Variants in LRRFIP1 observed in about 807,000 individuals in gnomAD.
LRRFIP1 encodes leucine-rich repeat flightless-interacting protein 1.
LRRFIP1 carries 62 observed loss-of-function variants against 104.4 expected under a neutral mutation model. The ratio of observed to expected loss-of-function variants is 0.59; its 90% confidence interval spans 0.48 to 0.73. The LOEUF is 0.73. LRRFIP1 is among the 30% of genes least tolerant of loss of function. LRRFIP1 has a pLI of 0.00. For synonymous variants in LRRFIP1, 300 were observed against 299.0 expected, an observed-to-expected ratio of 1.00 and a Z score of -0.03; for missense variants, 796 against 824.5, an observed-to-expected ratio of 0.97 and a Z score of 0.42.
At chr2:237,778,481 AG>A (rs1213946820) in intron 23 of LRRFIP1, among the ~76,000 whole-genome samples, 2 of 152,136 alleles carry the variant, frequency 1.3e-5, no homozygotes, top group African/African-American at 2.4e-5. Context: ...CCTGGCTCCC[AG>A]GTGTGGCCGT....
intron 1 of LRRFIP1, among the ~76,000 whole-genome samples, chr2:237,633,554 G>T (rs1189905753): frequency 6.8e-6 from 1 of 146,464 alleles, no homozygotes; most frequent in Non-Finnish European, 1.5e-5. Flanking sequence ...AGCCCTGCCT[G>T]TCCCCCGTGA....
chr2:237,678,835 T>G (rs2091476892), intron 1 of LRRFIP1, among the ~76,000 whole-genome samples: 1 of 152,186 alleles, frequency 6.6e-6, no homozygotes, highest in African/African-American at 2.4e-5. Context: ...GCTTGCATTA[T>G]ATAGATCAAA....
At chr2:237,656,511 A>G (rs2086837597) in intron 1 of LRRFIP1, among the ~76,000 whole-genome samples, 2 of 152,160 alleles carry the variant, frequency 1.3e-5, no homozygotes, top group Non-Finnish European at 2.9e-5. Context: ...TTTTGTCTCA[A>G]TTTCCAAGCA....
chr2:237,636,375 T>C (rs575310693), intron 1 of LRRFIP1, among the ~76,000 whole-genome samples: 1 of 149,726 alleles, frequency 6.7e-6, no homozygotes, highest in African/African-American at 2.5e-5. Context: ...TTTTGTCTTT[T>C]GGTAATACTT....
chr2:237,732,386 CT>C (rs1374026172), intron 8 of LRRFIP1, among the ~76,000 whole-genome samples: 1 of 152,236 alleles, frequency 6.6e-6, no homozygotes, highest in African/African-American at 2.4e-5. Context: ...TCCCACACCC[CT>C]GTCTGCCCCA....
chr2:237,735,353 A>G lies in LRRFIP1; in HGVS notation c.555+20A>G. The G allele has an allele frequency of 6.2e-7, 1 of 1,609,712 alleles. No homozygotes were observed. The highest frequency in any genetic ancestry group is 1.1e-5 in the South Asian group (1 of 90,742). ...CGTGCTGTAAGGCGCTTTCGGTGAT[A>G]CCTCCTTTCCCCCGTGCCTGCTGCA... On this transcript the variant is annotated intron_variant, in intron 10 of 23. Transcript: ENST00000308482. The surrounding 1 kb of genome is among the most constrained non-coding windows in gnomAD (Gnocchi z 4.6).
At chr2:237,712,494 A>C (rs746309960) in intron 2 of LRRFIP1, among the ~76,000 whole-genome samples, 12 of 152,254 alleles carry the variant, frequency 7.9e-5, no homozygotes, top group African/African-American at 2.2e-4. Context: ...GGAATATGAA[A>C]CATAAAATAT....
At chr2:237,776,091 G>T (rs1360206043) in intron 23 of LRRFIP1, among the ~76,000 whole-genome samples, 2 of 152,018 alleles carry the variant, frequency 1.3e-5, no homozygotes, top group South Asian at 2.1e-4. Flanking sequence ...CTCTCGAGTA[G>T]CCGGAAATAC....
chr2:237,714,469 G>A (rs541857764), intron 3 of LRRFIP1, among the ~76,000 whole-genome samples, 193 bp downstream of exon 3: 5 of 152,224 alleles, frequency 3.3e-5, no homozygotes, highest in Non-Finnish European at 5.9e-5. Context: ...CAAAGCAACA[G>A]TCAGACACAT....
chr2:237,767,881 T>A (rs1412075541), intron 19 of LRRFIP1, among the ~76,000 whole-genome samples: 1 of 152,232 alleles, frequency 6.6e-6, no homozygotes, highest in African/African-American at 2.4e-5. Context: ...GGTGTTTGTG[T>A]GTGCATGTAT....
chr2:237,694,858 C>G (rs1368620520), intron 1 of LRRFIP1, among the ~76,000 whole-genome samples: 2 of 152,198 alleles, frequency 1.3e-5, no homozygotes, highest in South Asian at 4.1e-4. Context: ...CTTGTGTCAC[C>G]CCGCTCTCTT....
chr2:237,720,394 C>T lies in LRRFIP1; in HGVS notation c.295-378C>T, dbSNP rs1312425463. ...TCCTGAGTACCTGGGATTACAGGCA[C>T]GTGCCATGACACCCGGCTAATTTTT... On this transcript the variant is annotated intron_variant, in intron 5 of 23. Coordinates refer to ENST00000308482, the MANE Select transcript of LRRFIP1 (RefSeq NM_001137550.2). Among the ~76,000 whole-genome samples, 5 of 152,130 alleles carry T rather than the reference C, an allele frequency of 3.3e-5. 1 individual carries two copies. The South Asian group carries it at 8.3e-4, about 25-fold the overall frequency.
intron 1 of LRRFIP1, among the ~76,000 whole-genome samples, chr2:237,701,534 C>T (rs3769101): frequency 0.25 from 37,876 of 152,164 alleles, 4,969 homozygotes; most frequent in East Asian, 0.36. Flanking sequence ...TCTCCTTGGC[C>T]TGAGCCCCCA....
chr2:237,680,294 C>T (rs964170851), intron 1 of LRRFIP1, among the ~76,000 whole-genome samples: 36 of 152,194 alleles, frequency 2.4e-4, no homozygotes, highest in African/African-American at 8.7e-4. Context: ...GAGTTCAAGA[C>T]CAGCCTGGTC....
intron 23 of LRRFIP1, among the ~76,000 whole-genome samples, chr2:237,778,156 T>G (rs766372494): frequency 6.6e-6 from 1 of 152,182 alleles, no homozygotes; most frequent in Non-Finnish European, 1.5e-5. Context: ...ACCTTAGTGT[T>G]TTGTGAGCTT....
At chr2:237,637,421 T>C (rs551678662) in intron 1 of LRRFIP1, among the ~76,000 whole-genome samples, 1 of 152,154 alleles carries the variant, frequency 6.6e-6, no homozygotes, top group African/African-American at 2.4e-5. Flanking sequence ...TGAGCCAAGA[T>C]CACACCACTG....
At chr2:237,707,583 G>T (rs554378432) in intron 1 of LRRFIP1, among the ~76,000 whole-genome samples, 1 of 152,150 alleles carries the variant, frequency 6.6e-6, no homozygotes, top group South Asian at 2.1e-4. Context: ...TAGAAAGAGG[G>T]TGGGGTTTGT....
chr2:237,742,151 A>G (rs866028499), intron 11 of LRRFIP1, among the ~76,000 whole-genome samples: 1 of 152,202 alleles, frequency 6.6e-6, no homozygotes, highest in Non-Finnish European at 1.5e-5. Context: ...ATTTGTATAA[A>G]ATTTACTCAC....
rs1466862979 is a variant in LRRFIP1 at position 237,779,524 on chromosome 2, C to T, written c.1915C>T (p.Gln639Ter). ...MKANRSALLS[Q>*]Q Reference sequence around the variant, plus strand: ...AGCAAATCGGAGTGCACTCTTGTCCCAGCAGTAAATTCCAGCTCTGATCAG... The same window carrying T: ...AGCAAATCGGAGTGCACTCTTGTCCTAGCAGTAAATTCCAGCTCTGATCAG... Residue 639 changes from glutamine to a stop codon, truncating the protein, a stop_gained, in exon 24 of 24, where the codon CAG becomes TAG. Coordinates refer to ENST00000308482, the MANE Select transcript of LRRFIP1 (RefSeq NM_001137550.2). LOFTEE classifies it high-confidence loss of function. The T allele has an allele frequency of 1.2e-6, 2 of 1,613,214 alleles. No individual in the cohort carries two copies. The highest frequency in any genetic ancestry group is 4.5e-5 in the East Asian group (2 of 44,866).
Sources: gnomAD v4.1 joint callset for allele counts (sites outside exome capture counted in the v4.1 genomes callset) on GRCh38, gnomAD v4.1.1 for gene constraint, Gnocchi (gnomAD v3.1) non-coding constraint, MANE v1.5 for transcripts, NCBI Gene and HGNC (gene_info 2026-07-23, HGNC 2026-07-21) for gene names.